The following RHPN2 variants were observed in gnomAD, a reference collection of about 807,000 sequenced individuals.
The protein encoded by RHPN2 is rhophilin-2.
A neutral mutation model predicts 79.0 loss-of-function variants in RHPN2; 40 were observed. The ratio of observed to expected loss-of-function variants is 0.51; its 90% confidence interval spans 0.39 to 0.66. The LOEUF is 0.66. RHPN2 is among the 30% of genes least tolerant of loss of function. The pLI, the probability that RHPN2 is intolerant of heterozygous loss-of-function variation, is 0.00. For synonymous variants in RHPN2, 285 were observed against 363.5 expected, an observed-to-expected ratio of 0.78 and a Z score of 2.46; for missense variants, 686 against 883.5, an observed-to-expected ratio of 0.78 and a Z score of 2.83.
At chr19:33,011,944 C>T (rs527605205) in intron 5 of RHPN2, 141 bp from the exon 6 acceptor site, 44 of 1,105,382 alleles carry the variant, frequency 4.0e-5, no homozygotes, top group Non-Finnish European at 5.4e-5. Context: ...ATCGTAAACT[C>T]TGGGAGGGGT....
chr19:33,003,105 TC>T, intron 7 of RHPN2, 105 bp from the exon 8 acceptor site: 1 of 1,021,558 alleles, frequency 9.8e-7, no homozygotes, highest in Middle Eastern at 2.6e-4. Flanking sequence ...ATGCCCATAA[TC>T]CCAACACTTT....
intron 1 of RHPN2, among the ~76,000 whole-genome samples, chr19:33,050,576 TG>T (rs150145056): frequency 1.5e-3 from 222 of 152,370 alleles, no homozygotes; most frequent in African/African-American, 5.1e-3. Flanking sequence ...TTTTGAACTA[TG>T]TAAATGTAAT....
At chr19:32,990,954 G>A (rs1449372108) in intron 13 of RHPN2, among the ~76,000 whole-genome samples, 1 of 150,470 alleles carries the variant, frequency 6.6e-6, no homozygotes, top group East Asian at 2.0e-4. Flanking sequence ...GCTTGAACCC[G>A]GGAGGCAGAC....
Position 33,054,954 on chromosome 19 carries a change from G to A in RHPN2, c.69+9830C>T, listed in dbSNP as rs113565485. Among the ~76,000 whole-genome samples the A allele has an allele frequency of 1.0e-2, 1,518 of 152,282 alleles. 15 individuals carry two copies. The highest frequency in any genetic ancestry group is 0.016 in the Non-Finnish European group (1,068 of 68,022). ...ACCTCCCAGCCAGGATCCCACAGTT[G>A]AAGACTGTTGGTCAGGCAGACCCTC... On this transcript the variant is annotated intron_variant, in intron 1 of 14. Coordinates refer to ENST00000254260, the MANE Select transcript of RHPN2 (RefSeq NM_033103.5).
chr19:33,026,073 C>T (rs1472401254), intron 3 of RHPN2, among the ~76,000 whole-genome samples: 1 of 144,294 alleles, frequency 6.9e-6, no homozygotes, highest in Non-Finnish European at 1.5e-5. Flanking sequence ...CTCACTGAAA[C>T]GTCCAACTCC....
intron 6 of RHPN2, among the ~76,000 whole-genome samples, chr19:33,010,791 C>T (rs1971829647): frequency 6.6e-6 from 1 of 152,150 alleles, no homozygotes; most frequent in Non-Finnish European, 1.5e-5. Flanking sequence ...AAGTGATTCT[C>T]CTGCCTCAGC....
chr19:33,037,583 C>T (rs567126308), intron 2 of RHPN2, among the ~76,000 whole-genome samples: 2 of 152,130 alleles, frequency 1.3e-5, no homozygotes, highest in Non-Finnish European at 2.9e-5. Flanking sequence ...CTGAAGCCAG[C>T]GAGACCACAA....
intron 1 of RHPN2, 50 bp from the exon 2 acceptor site, chr19:33,044,414 G>T (rs1246027906): frequency 5.2e-6 from 6 of 1,156,912 alleles, no homozygotes; most frequent in Non-Finnish European, 7.9e-6. Context: ...CTCTAAAAAT[G>T]ATGACAGGGT....
At chr19:33,009,268 G>A (rs868076375) in intron 6 of RHPN2, among the ~76,000 whole-genome samples, 1 of 151,344 alleles carries the variant, frequency 6.6e-6, no homozygotes. Context: ...GGGTGATAAT[G>A]ATGTGTCAGG....
chr19:32,984,419 G>T (rs1033460110), intron 14 of RHPN2, among the ~76,000 whole-genome samples: 1 of 152,140 alleles, frequency 6.6e-6, no homozygotes, highest in African/African-American at 2.4e-5. Flanking sequence ...GCACTTTTGG[G>T]AGGCCAAGGC....
chr19:33,064,328 A>T (rs979112706), intron 1 of RHPN2, among the ~76,000 whole-genome samples: 1 of 118,088 alleles, frequency 8.5e-6, no homozygotes, highest in African/African-American at 5.3e-5. Context: ...AGCGCCTAAA[A>T]TAAATATGAG....
At chr19:33,013,133 C>T (rs1971848861) in intron 4 of RHPN2, among the ~76,000 whole-genome samples, 1 of 151,848 alleles carries the variant, frequency 6.6e-6, no homozygotes, top group Non-Finnish European at 1.5e-5. Flanking sequence ...ACCTCGCCCT[C>T]CCAAAGTGCT....
chr19:33,035,944 A>T (rs1021442140), intron 2 of RHPN2, among the ~76,000 whole-genome samples: 2 of 152,012 alleles, frequency 1.3e-5, no homozygotes, highest in South Asian at 2.1e-4. Flanking sequence ...GTGAAAACCT[A>T]TCTCTACTAA....
In RHPN2 at chr19:32,993,208, C is replaced by T. The variant is rs1971674863; in HGVS notation, c.1497+769G>A. ...TATGCTATGGGGCCGGGCACAGTGG[C>T]TCAGGCCTGTAATCCCAGCACTTTG... On this transcript the variant is annotated intron_variant, in intron 12 of 14. Transcript: ENST00000254260. Among the ~76,000 whole-genome samples the T allele has an allele frequency of 4.6e-5, 7 of 152,074 alleles. No homozygotes were observed. In the South Asian group the frequency reaches 1.5e-3, roughly 32 times the overall value.
At chr19:33,020,987 A>T (rs1423763167) in intron 4 of RHPN2, among the ~76,000 whole-genome samples, 1 of 152,354 alleles carries the variant, frequency 6.6e-6, no homozygotes, top group African/African-American at 2.4e-5. Flanking sequence ...TTTTCATAAT[A>T]AAATGTTAGA....
intron 4 of RHPN2, among the ~76,000 whole-genome samples, chr19:33,015,550 GA>G (rs1414818611): frequency 1.3e-5 from 2 of 152,040 alleles, no homozygotes; most frequent in African/African-American, 4.8e-5. Context: ...AGAAAAATAA[GA>G]GACATAAAAT....
chr19:33,034,640 G>T, intron 2 of RHPN2, among the ~76,000 whole-genome samples: 1 of 150,222 alleles, frequency 6.7e-6, no homozygotes, highest in South Asian at 2.1e-4. Context: ...AGTTAGCTGG[G>T]CATGGTGGCA....
At chr19:33,041,651 A>C (rs923084262) in intron 2 of RHPN2, among the ~76,000 whole-genome samples, 1 of 152,192 alleles carries the variant, frequency 6.6e-6, no homozygotes, top group African/African-American at 2.4e-5. Flanking sequence ...CTGCCTGAGA[A>C]AGTCCAAGTT....
intron 1 of RHPN2, among the ~76,000 whole-genome samples, chr19:33,060,589 G>A (rs1285281747): frequency 1.3e-5 from 2 of 152,080 alleles, no homozygotes; most frequent in African/African-American, 2.4e-5. Flanking sequence ...CTGGAGTGCA[G>A]TGACATGATA....
Sources: allele counts gnomAD v4.1 joint callset (sites outside exome capture counted in the v4.1 genomes callset), GRCh38; gene constraint gnomAD v4.1.1; transcripts MANE v1.5; gene names NCBI Gene and HGNC (gene_info 2026-07-23, HGNC 2026-07-21).